SPDYE4: variants seen among roughly 807,000 people sequenced by gnomAD.
SPDYE4 encodes speedy protein E4.
In SPDYE4, 30 loss-of-function variants were observed where a neutral mutation model predicts 37.5. The observed-to-expected ratio is 0.80, with a 90% CI of 0.60 to 1.09. SPDYE4 has a LOEUF of 1.09. Among genes scored for constraint, SPDYE4 ranks in the 50% least tolerant of loss-of-function variants. SPDYE4 has a pLI of 0.00. For synonymous variants in SPDYE4, 131 were observed against 120.3 expected, an observed-to-expected ratio of 1.09 and a Z score of -0.58; for missense variants, 300 against 307.9, an observed-to-expected ratio of 0.97 and a Z score of 0.19.
intron 3 of SPDYE4, among the ~76,000 whole-genome samples, chr17:8,755,891 G>A (rs544002631): frequency 1.3e-5 from 2 of 152,182 alleles, no homozygotes; most frequent in African/African-American, 4.8e-5. Flanking sequence ...GGAGGGTCTT[G>A]GTGAGCTGGG....
At chr17:8,754,949 A>C (rs9944516) in intron 4 of SPDYE4, among the ~76,000 whole-genome samples, 20,583 of 152,168 alleles carry the variant, frequency 0.14, 3,339 homozygotes, top group African/African-American at 0.39. Context: ...GGGTTGAATT[A>C]GCCCTGTGGA....
chr17:8,752,606 A>C (rs1431339813), intron 6 of SPDYE4, among the ~76,000 whole-genome samples: 1 of 152,050 alleles, frequency 6.6e-6, no homozygotes, highest in Non-Finnish European at 1.5e-5. Context: ...TGCTACAAAC[A>C]TGTCTAACAC....
In SPDYE4 at chr17:8,757,247, G is replaced by A. The variant is rs1043530727; in HGVS notation, c.340+15C>T. On this transcript the variant is annotated intron_variant, in intron 2 of 6. Transcript: ENST00000689094. ...AAGAACAGGGTTGGAGGTGCTTTTT[G>A]GGGTATCCTCCTACCAAGGAGCCTG... 1.3e-6 allele frequency: 2 copies of A among 1,581,714 alleles called. No individual in the cohort carries two copies. The highest frequency in any genetic ancestry group is 1.4e-5 in the African/African-American group (1 of 72,478).
downstream of SPDYE4, among the ~76,000 whole-genome samples, chr17:8,747,848 C>A (rs2086700982): frequency 6.6e-6 from 1 of 152,196 alleles, no homozygotes; most frequent in Non-Finnish European, 1.5e-5. Context: ...TTTCATGCTG[C>A]TGATAAAGAC....
chr17:8,755,333 G>T, intron 4 of SPDYE4, 187 bp downstream of exon 4: 1 of 755,030 alleles, frequency 1.3e-6, no homozygotes, highest in South Asian at 2.3e-5. Flanking sequence ...TCTACTATTT[G>T]TCAACTGCAT....
At chr17:8,755,015 A>G (rs973021433) in intron 4 of SPDYE4, among the ~76,000 whole-genome samples, 1 of 152,164 alleles carries the variant, frequency 6.6e-6, no homozygotes, top group African/African-American at 2.4e-5. Flanking sequence ...GTGGGCAGTG[A>G]AGGGGGGGTG....
chr17:8,751,587 A>T lies in SPDYE4; in HGVS notation c.*695T>A, dbSNP rs77605550. On this transcript the variant is annotated 3_prime_UTR_variant, in exon 7 of 7. Coordinates refer to ENST00000689094, the MANE Select transcript of SPDYE4 (RefSeq NM_001394956.1). Reference sequence around the variant, plus strand: ...GAGTGCTCGCTTCAGGAGCACATTTAATAATAGATAAAACGATTTAAAGAG... The same window carrying T: ...GAGTGCTCGCTTCAGGAGCACATTTTATAATAGATAAAACGATTTAAAGAG... 0.017 allele frequency among the ~76,000 whole-genome samples: 2,543 copies of T among 152,352 alleles called. 69 individuals carry two copies. Among genetic ancestry groups the T allele is most frequent in the African/African-American group, 0.057 (2,352 of 41,576 alleles).
chr17:8,755,728 G>A, intron 3 of SPDYE4, 123 bp from the exon 4 acceptor site: 1 of 1,243,838 alleles, frequency 8.0e-7, no homozygotes, highest in Non-Finnish European at 1.1e-6. Context: ...CCTCAGTGTT[G>A]GGTGACTATG....
chr17:8,754,340 T>C (rs2086754290), intron 4 of SPDYE4, among the ~76,000 whole-genome samples: 1 of 152,164 alleles, frequency 6.6e-6, no homozygotes, highest in Admixed American at 6.5e-5. Context: ...ATACCAGCAC[T>C]CTGAGAGGCT....
At chr17:8,747,882 G>A (rs2086701221), downstream of SPDYE4, among the ~76,000 whole-genome samples, 1 of 152,224 alleles carries the variant, frequency 6.6e-6, no homozygotes, top group Non-Finnish European at 1.5e-5. Context: ...AAGAAAAAGA[G>A]GTTTAATTGG....
rs371729755 is a variant in SPDYE4, at chr17:8,756,425, C to A, written c.352G>T (p.Val118Phe). The A allele has an allele frequency of 6.2e-7, 1 of 1,613,856 alleles. No individual in the cohort carries two copies. The highest frequency in any genetic ancestry group is 1.3e-5 in the African/African-American group (1 of 74,904). ...TTGTCCCAGGCCAGGAATTTTTGAA[C>A]GACAGGATCCCCTGTGAAAAGAGAG... Reference protein sequence around the residue: ...AFNRLLGDPVVQKFLAWDKDL... With the variant: ...AFNRLLGDPVFQKFLAWDKDL... Residue 118 changes from valine to phenylalanine, a missense_variant, in exon 3 of 7, where the codon GTT becomes TTT. Coordinates refer to ENST00000689094, the MANE Select transcript of SPDYE4 (RefSeq NM_001394956.1).
chr17:8,757,372 G>A lies in SPDYE4; in HGVS notation c.230C>T (p.Pro77Leu). The change falls in exon 2 of 7, where the codon CCC (proline) becomes CTC (leucine). Residue 77 changes from proline (P) to leucine (L), a missense_variant. Physicochemically the swap from Pro to Leu is moderately conservative, Grantham distance 98. Transcript: ENST00000689094. ...EELELERAPE[P>L]EDTWVVETLC... ...CGTCTCCACCACCCAGGTGTCCTCG[G>A]GCTCAGGGGCGCGCTCCAACTCCAG... is the stretch of plus-strand genomic sequence containing the variant. 6.3e-7 allele frequency: 1 copy of A among 1,595,756 alleles called. No homozygotes were observed. Among genetic ancestry groups the A allele is most frequent in the East Asian group, 2.3e-5 (1 of 44,198 alleles).
At chr17:8,757,168 G>T in intron 2 of SPDYE4, 94 bp downstream of exon 2, 1 of 1,197,702 alleles carries the variant, frequency 8.3e-7, no homozygotes, top group Non-Finnish European at 1.2e-6. Context: ...CCCCCAGGAG[G>T]GCATATTCTT....
chr17:8,753,506 G>A lies in SPDYE4; in HGVS notation c.486-17C>T, dbSNP rs1482318347. On this transcript the variant is annotated splice_polypyrimidine_tract_variant and intron_variant, in intron 4 of 6. Coordinates refer to ENST00000689094, the MANE Select transcript of SPDYE4 (RefSeq NM_001394956.1). Reference sequence around the variant, plus strand: ...GCCAGGTAGCTGGGGAGAGAGATCAGGTTGCTGCTCAGGGGCCCCACCAGG... The same window carrying A: ...GCCAGGTAGCTGGGGAGAGAGATCAAGTTGCTGCTCAGGGGCCCCACCAGG... 1.2e-6 allele frequency: 2 copies of A among 1,612,614 alleles called. No individual in the cohort carries two copies. The highest frequency in any genetic ancestry group is 4.5e-5 in the East Asian group (2 of 44,860).
downstream of SPDYE4, among the ~76,000 whole-genome samples, chr17:8,748,306 C>A (rs1597349528): frequency 6.6e-6 from 1 of 152,250 alleles, no homozygotes; most frequent in African/African-American, 2.4e-5. Flanking sequence ...TCTCTTTGCT[C>A]TCTGCCATGT....
chr17:8,756,796 C>T (rs974530088), intron 2 of SPDYE4, among the ~76,000 whole-genome samples: 3 of 152,190 alleles, frequency 2.0e-5, no homozygotes, highest in African/African-American at 7.2e-5. Context: ...CCTTGTTATC[C>T]CCCTCCACGG....
chr17:8,757,369 T>G lies in SPDYE4; in HGVS notation c.233A>C (p.Glu78Ala). Reference protein sequence around the residue: ...ELELERAPEPEDTWVVETLCG... With the variant: ...ELELERAPEPADTWVVETLCG... ...CAGCGTCTCCACCACCCAGGTGTCC[T>G]CGGGCTCAGGGGCGCGCTCCAACTC... Residue 78 changes from glutamate (E) to alanine (A), a missense_variant, in exon 2 of 7, where the codon GAG (glutamate) becomes GCG (alanine). Physicochemically the swap from Glu to Ala is moderately radical, Grantham distance 107. Transcript: ENST00000689094. 1 of 1,597,302 alleles carries G rather than the reference T, an allele frequency of 6.3e-7. No individual in the cohort carries two copies. Among genetic ancestry groups the G allele is most frequent in the Non-Finnish European group, 8.5e-7 (1 of 1,171,686 alleles).
At chr17:8,750,154 C>T (rs1024145394), downstream of SPDYE4, among the ~76,000 whole-genome samples, 4 of 152,118 alleles carry the variant, frequency 2.6e-5, no homozygotes, top group East Asian at 1.9e-4. Context: ...TTTGGGTGGC[C>T]GAGGGGGACG....
rs1306093022 is a variant in SPDYE4, at chr17:8,758,280, G to A, written c.103C>T (p.Pro35Ser). The change falls in exon 1 of 7, where the codon CCA becomes TCA. Residue 35 changes from proline to serine, a missense_variant. Transcript: ENST00000689094. ...CTCCCTCCAGTCACCTCACCTGATG[G>A]TCCTGGCACTTCATCATCCACCACC... ...EVVVDDEVPG[P>S]SAPWIDPSPQ... 46 of 1,542,696 alleles carry A rather than the reference G, an allele frequency of 3.0e-5. No individual in the cohort carries two copies. In the East Asian group the frequency reaches 5.7e-4, roughly 19 times the overall value.
Sources: gnomAD v4.1 joint callset for allele counts (sites outside exome capture counted in the v4.1 genomes callset) on GRCh38, gnomAD v4.1.1 for gene constraint, MANE v1.5 for transcripts, NCBI Gene and HGNC (gene_info 2026-07-23, HGNC 2026-07-21) for gene names.